LAMP2: variants seen among roughly 807,000 people sequenced by gnomAD.
The protein encoded by LAMP2 is lysosome associated membrane protein 2.
LAMP2 carries 4 observed loss-of-function variants against 25.6 expected under a neutral mutation model. The observed-to-expected ratio is 0.16, with a 90% confidence interval of 0.08 to 0.36. The LOEUF is 0.36. Among genes scored for constraint, LAMP2 ranks in the 10% least tolerant of loss-of-function variants. The pLI is 1.00. For synonymous variants in LAMP2, 108 were observed against 112.7 expected (o/e 0.96, Z 0.27); for missense variants, 272 against 301.4 (o/e 0.90, Z 0.72).
chrX:120,450,891 G>A (rs1042166736), intron 3 of LAMP2, among the ~76,000 whole-genome samples: 8 of 108,805 alleles, frequency 7.4e-5, no homozygotes, highest in East Asian at 2.8e-4. Context: ...TATATGTAGA[G>A]CCTTTTAAAA....
At position 120,426,263 on chromosome X, in the gene LAMP2, T is replaced by C; in HGVS notation, c.*5060A>G. 9.8e-6 allele frequency among the ~76,000 whole-genome samples: 1 copy of C among 102,322 alleles called. No individual in the cohort carries two copies. The highest frequency in any genetic ancestry group is 3.0e-4 in the East Asian group (1 of 3,312). The allele number at this position is 102,322 out of a possible 115,157, so 88.9% of individuals were successfully genotyped here. A position where few individuals can be genotyped will look rare whatever the true frequency, so the allele number is the denominator to read the frequency against. ...ATTTTGCAGGTATTAATTGGTTCTC[T>C]AAATCGATACATCCAAAACTTTAGT... is the stretch of plus-strand genomic sequence containing the variant. On this transcript the variant is annotated 3_prime_UTR_variant, in exon 9 of 9. Transcript: ENST00000200639.
chrX:120,464,422 T>C (rs1921451686), intron 1 of LAMP2, among the ~76,000 whole-genome samples: 1 of 111,583 alleles, frequency 9.0e-6, no homozygotes, highest in South Asian at 3.7e-4. Context: ...CTATGCTAGG[T>C]AGGCAATGGG....
At chrX:120,465,062 T>C (rs769694724) in intron 1 of LAMP2, among the ~76,000 whole-genome samples, 8 of 111,662 alleles carry the variant, frequency 7.2e-5, no homozygotes, top group Non-Finnish European at 1.3e-4. Context: ...TGTTTATCAC[T>C]ATCTGACATT....
At chrX:120,434,267 A>T (rs2058533726) in intron 8 of LAMP2, among the ~76,000 whole-genome samples, 1 of 112,110 alleles carries the variant, frequency 8.9e-6, no homozygotes, top group Admixed American at 9.5e-5. Flanking sequence ...TAGTACTGAA[A>T]CGACTTTCAT....
intron 2 of LAMP2, 91 bp downstream of exon 2, chrX:120,456,560 G>A (rs992136380): frequency 8.9e-6 from 4 of 449,567 alleles, no homozygotes; most frequent in African/African-American, 7.4e-5. Flanking sequence ...GTCAGTCAAC[G>A]TGGAATTTCA....
chrX:120,438,232 AAAG>A (rs1179711456), intron 8 of LAMP2: 11 of 744,863 alleles, frequency 1.5e-5, no homozygotes, highest in Non-Finnish European at 1.7e-5. Context: ...TTCTTAAGAA[AAAG>A]AAAATAATAA....
chrX:120,438,767 A>C, intron 8 of LAMP2: 1 of 825,972 alleles, frequency 1.2e-6, no homozygotes. Flanking sequence ...AATCCACGGT[A>C]GAACATGTTG....
At chrX:120,450,926 T>C (rs2058618455) in intron 3 of LAMP2, among the ~76,000 whole-genome samples, 1 of 109,775 alleles carries the variant, frequency 9.1e-6, no homozygotes, top group African/African-American at 3.3e-5. Flanking sequence ...ACGTAACTTA[T>C]ATATATATAA....
At chrX:120,468,651 G>A (rs949801355) in intron 1 of LAMP2, among the ~76,000 whole-genome samples, 37 of 110,377 alleles carry the variant, frequency 3.4e-4, no homozygotes, top group African/African-American at 1.2e-3. Context: ...ACTCCAGGCA[G>A]GCATGGTCTT....
intron 1 of LAMP2, among the ~76,000 whole-genome samples, chrX:120,466,572 C>A: frequency 8.9e-6 from 1 of 111,865 alleles, no homozygotes; most frequent in Non-Finnish European, 1.9e-5. Context: ...GAAGAGTTTC[C>A]TGCGCGCTGT....
Position 120,469,227 on chromosome X carries a change from C to G in LAMP2, c.-58G>C. ...GGCGGCGGTACAACAACAGCTGCAA[C>G]ACCAGGGAAAAGGCTCGCTGGACCT... On this transcript the variant is annotated 5_prime_UTR_variant, in exon 1 of 9. Coordinates refer to ENST00000200639, the MANE Select transcript of LAMP2 (RefSeq NM_002294.3). The G allele has an allele frequency of 8.7e-7, 1 of 1,143,904 alleles. No homozygotes were observed. 94.3% of individuals were successfully genotyped at this position (1,143,904 alleles called of 1,213,427 possible). A position where few individuals can be genotyped will look rare whatever the true frequency, so the allele number is the denominator to read the frequency against.
chrX:120,456,423 T>C (rs1381874202), intron 2 of LAMP2, among the ~76,000 whole-genome samples: 2 of 111,325 alleles, frequency 1.8e-5, no homozygotes, highest in Admixed American at 1.9e-4. Context: ...TCAGATCATT[T>C]GCCCTTAATC....
In LAMP2 at chrX:120,426,829, C is replaced by T. The variant is rs2058500753; in HGVS notation, c.*4494G>A. On this transcript the variant is annotated 3_prime_UTR_variant, in exon 9 of 9. Coordinates refer to ENST00000200639, the MANE Select transcript of LAMP2 (RefSeq NM_002294.3). Reference sequence around the variant, plus strand: ...AGAGAACATTTTAAAAGAAAACATTCTTTACATACTTAGCAAATAGAGGAG... The same window carrying T: ...AGAGAACATTTTAAAAGAAAACATTTTTTACATACTTAGCAAATAGAGGAG... Among the ~76,000 whole-genome samples the T allele has an allele frequency of 8.9e-6, 1 of 112,216 alleles. No homozygotes were observed. The highest frequency in any genetic ancestry group is 1.9e-5 in the Non-Finnish European group (1 of 53,215).
intron 6 of LAMP2, among the ~76,000 whole-genome samples, chrX:120,446,023 C>T (rs1240050106): frequency 9.0e-6 from 1 of 111,194 alleles, no homozygotes; most frequent in Non-Finnish European, 1.9e-5. Flanking sequence ...TTGTGGGTTT[C>T]GTTTTTTTCT....
intron 1 of LAMP2, among the ~76,000 whole-genome samples, chrX:120,463,649 C>T (rs1294832451): frequency 1.8e-5 from 2 of 111,934 alleles, no homozygotes; most frequent in Non-Finnish European, 3.8e-5. Flanking sequence ...TGGTTATAGA[C>T]AAAATCTACC....
rs771740798 is a variant in LAMP2 at position 120,466,589 on chromosome X, T to C, written c.64+2517A>G. On this transcript the variant is annotated intron_variant, in intron 1 of 8. Transcript: ENST00000200639. ...AGAGTTTCCTGCGCGCTGTGAACAG[T>C]TGGACTACATCAGGGATTCCCAAAG... 5.4e-5 allele frequency among the ~76,000 whole-genome samples: 6 copies of C among 111,960 alleles called. No individual in the cohort carries two copies. In the South Asian group the frequency reaches 1.1e-3, roughly 21 times the overall value.
At chrX:120,457,443 C>T (rs755687889) in intron 1 of LAMP2, among the ~76,000 whole-genome samples, 1 of 112,093 alleles carries the variant, frequency 8.9e-6, no homozygotes, top group Non-Finnish European at 1.9e-5. Flanking sequence ...ATGAGAAAAA[C>T]ATGAATTCTG....
At chrX:120,460,247 T>C (rs1921261656) in intron 1 of LAMP2, among the ~76,000 whole-genome samples, 1 of 108,445 alleles carries the variant, frequency 9.2e-6, no homozygotes, top group Non-Finnish European at 1.9e-5. Context: ...CACTCCAGCC[T>C]GGGCAACAGA....
At chrX:120,460,758 C>T (rs1921281598) in intron 1 of LAMP2, among the ~76,000 whole-genome samples, 1 of 111,888 alleles carries the variant, frequency 8.9e-6, no homozygotes, top group South Asian at 3.7e-4. Flanking sequence ...CGAGACCAGC[C>T]TGGCCACCAT....
Sources: allele counts gnomAD v4.1 joint callset (sites outside exome capture counted in the v4.1 genomes callset), GRCh38; gene constraint gnomAD v4.1.1; transcripts MANE v1.5; gene names NCBI Gene and HGNC (gene_info 2026-07-23, HGNC 2026-07-21).